SPOCK1: variants seen among roughly 807,000 people sequenced by gnomAD.
SPOCK1 encodes the protein testican-1.
A neutral mutation model predicts 55.3 loss-of-function variants in SPOCK1; 23 were observed. The ratio of observed to expected loss-of-function variants is 0.42; its 90% CI spans 0.30 to 0.59. SPOCK1 has a LOEUF of 0.59. Ranked by LOEUF, SPOCK1 falls within the 20% of genes least tolerant of loss-of-function variation. The pLI, the probability that SPOCK1 is intolerant of heterozygous loss-of-function variation, is 0.22. For missense variants in SPOCK1, 499 were observed against 552.5 expected (o/e 0.90, Z 0.97); for synonymous variants, 226 against 221.0 (o/e 1.02, Z -0.20).
chr5:137,103,001 G>A (rs1753301369), intron 5 of SPOCK1, among the ~76,000 whole-genome samples: 1 of 151,152 alleles, frequency 6.6e-6, no homozygotes, highest in Non-Finnish European at 1.5e-5. Context: ...GTTTTGTTTT[G>A]TTTTTTAAAG....
chr5:136,988,453 A>ATTGT lies in SPOCK1; in HGVS notation c.893_896dup (p.Asn299LysfsTer3). ...GCTTCTGGAAGCAGTAGCACCACTC[A>ATTGT]TTGTTAGAAAGCTTGCCATCCTTGA... On this transcript the variant is annotated frameshift_variant, in exon 8 of 11. Transcript: ENST00000394945. LOFTEE classifies it high-confidence loss of function. 6.2e-7 allele frequency: 1 copy of ATTGT among 1,614,068 alleles called. No individual in the cohort carries two copies. Among genetic ancestry groups the ATTGT allele is most frequent in the Non-Finnish European group, 8.5e-7 (1 of 1,179,988 alleles).
Position 137,457,429 on chromosome 5 carries a change from C to T in SPOCK1, c.186+40944G>A, listed in dbSNP as rs116444169. ...GAGCATGAGCAGCTTTCAGACTCAACGTCACTTTTCGAGATTTTTGTTTTC... is the reference window on the plus strand; with the variant it reads ...GAGCATGAGCAGCTTTCAGACTCAATGTCACTTTTCGAGATTTTTGTTTTC... On this transcript the variant is annotated intron_variant, in intron 2 of 10. Transcript: ENST00000394945. Among the ~76,000 whole-genome samples the T allele has an allele frequency of 2.8e-3, 421 of 152,242 alleles. 1 individual carries two copies. The highest frequency in any genetic ancestry group is 9.7e-3 in the African/African-American group (405 of 41,560).
intron 3 of SPOCK1, among the ~76,000 whole-genome samples, chr5:137,182,296 C>T (rs1367366252): frequency 3.9e-5 from 6 of 152,128 alleles, no homozygotes; most frequent in Non-Finnish European, 2.9e-5. Context: ...CACACACCAC[C>T]GGGTCTTTGC....
intron 3 of SPOCK1, among the ~76,000 whole-genome samples, chr5:137,225,545 T>A (rs943572064): frequency 2.6e-5 from 4 of 152,158 alleles, no homozygotes; most frequent in Admixed American, 1.3e-4. Flanking sequence ...ATCAAACATG[T>A]TCACCCATAC....
At chr5:137,075,984 G>T (rs776620816) in intron 5 of SPOCK1, among the ~76,000 whole-genome samples, 1 of 152,242 alleles carries the variant, frequency 6.6e-6, no homozygotes, top group Non-Finnish European at 1.5e-5. Context: ...GGAGAATAGT[G>T]CAGATGAGGA....
intron 2 of SPOCK1, among the ~76,000 whole-genome samples, chr5:137,394,497 C>T (rs1257166176): frequency 6.6e-6 from 1 of 152,158 alleles, no homozygotes; most frequent in Non-Finnish European, 1.5e-5. Context: ...AAACCTTGAC[C>T]TTTTCTCCAA....
intron 3 of SPOCK1, among the ~76,000 whole-genome samples, chr5:137,206,412 A>T (rs1755521539): frequency 6.6e-6 from 1 of 152,230 alleles, no homozygotes; most frequent in Non-Finnish European, 1.5e-5. Flanking sequence ...CCAAACACGG[A>T]AAGAGAAACA....
At chr5:137,437,142 A>T (rs1399347184) in intron 2 of SPOCK1, among the ~76,000 whole-genome samples, 1 of 152,180 alleles carries the variant, frequency 6.6e-6, no homozygotes, top group Non-Finnish European at 1.5e-5. Flanking sequence ...ACTACCTCTG[A>T]TAGTTCTGCC....
chr5:137,197,958 A>G lies in SPOCK1; in HGVS notation c.233-57264T>C, dbSNP rs1429080604. On this transcript the variant is annotated intron_variant, in intron 3 of 10. Transcript: ENST00000394945. ...CACTGCTACTGGTAAAACTTCTTAA[A>G]GTCAGAATTGTACAAAAATAAGAAA... 3.9e-5 allele frequency among the ~76,000 whole-genome samples: 6 copies of G among 152,226 alleles called. No homozygotes were observed. In the East Asian group the frequency reaches 1.2e-3, roughly 29 times the overall value.
chr5:137,490,807 C>T (rs1019941564), intron 2 of SPOCK1, among the ~76,000 whole-genome samples: 2 of 152,112 alleles, frequency 1.3e-5, no homozygotes, highest in Non-Finnish European at 2.9e-5. Flanking sequence ...GTCTTCTGTG[C>T]CAGGAGCTAC....
At chr5:137,347,722 AAAAAAC>A (rs1021081597) in intron 2 of SPOCK1, among the ~76,000 whole-genome samples, 8 of 150,142 alleles carry the variant, frequency 5.3e-5, no homozygotes, top group African/African-American at 1.8e-4. Context: ...ATCTCAAAAC[AAAAAAC>A]AAAAAACAAA....
intron 2 of SPOCK1, among the ~76,000 whole-genome samples, chr5:137,371,051 A>T (rs1374633826): frequency 6.6e-6 from 1 of 152,240 alleles, no homozygotes; most frequent in Non-Finnish European, 1.5e-5. Context: ...CTGAGGACTC[A>T]GCCATTTTCT....
At chr5:137,294,332 C>T (rs1410703709) in intron 2 of SPOCK1, among the ~76,000 whole-genome samples, 1 of 152,124 alleles carries the variant, frequency 6.6e-6, no homozygotes. Flanking sequence ...GGATTGAGTA[C>T]ATACTGTGCA....
intron 2 of SPOCK1, among the ~76,000 whole-genome samples, chr5:137,326,762 T>G (rs763418011): frequency 6.6e-6 from 1 of 152,226 alleles, no homozygotes; most frequent in Non-Finnish European, 1.5e-5. Flanking sequence ...TATCAGGAGA[T>G]TCAACCTTTC....
chr5:137,289,067 T>A (rs1757318912), intron 2 of SPOCK1, among the ~76,000 whole-genome samples: 1 of 152,212 alleles, frequency 6.6e-6, no homozygotes, highest in Non-Finnish European at 1.5e-5. Flanking sequence ...GATTATTGAC[T>A]ACGTAACCTT....
intron 3 of SPOCK1, among the ~76,000 whole-genome samples, chr5:137,205,140 C>T (rs1490713308): frequency 1.3e-5 from 2 of 152,198 alleles, no homozygotes. Flanking sequence ...CTATAGGCTT[C>T]ACAAGAGCAA....
chr5:137,368,878 T>C (rs1261454983), intron 2 of SPOCK1, among the ~76,000 whole-genome samples: 2 of 152,250 alleles, frequency 1.3e-5, no homozygotes, highest in Non-Finnish European at 2.9e-5. Context: ...CATGCCTGCC[T>C]GGTATTAATC....
chr5:137,324,431 G>A (rs1444093706), intron 2 of SPOCK1, among the ~76,000 whole-genome samples: 1 of 152,016 alleles, frequency 6.6e-6, no homozygotes, highest in Non-Finnish European at 1.5e-5. Flanking sequence ...AGTGACAGAA[G>A]GAGACTCCAT....
intron 2 of SPOCK1, among the ~76,000 whole-genome samples, chr5:137,447,181 A>T (rs11954038): frequency 0.72 from 109,508 of 152,162 alleles, 39,691 homozygotes; most frequent in East Asian, 0.89. Flanking sequence ...TGTTTTGAAC[A>T]ACAGGTCAGC....
Sources: gnomAD v4.1 joint callset for allele counts (sites outside exome capture counted in the v4.1 genomes callset) on GRCh38, gnomAD v4.1.1 for gene constraint, MANE v1.5 for transcripts, NCBI Gene and HGNC (gene_info 2026-07-23, HGNC 2026-07-21) for gene names.